Variants in DMD observed in about 807,000 individuals in gnomAD.
DMD encodes the protein mutant dystrophin.
A neutral mutation model predicts 330.1 loss-of-function variants in DMD; 63 were observed. The ratio of observed to expected loss-of-function variants is 0.19; its 90% CI spans 0.16 to 0.24. The LOEUF (loss-of-function observed/expected upper bound fraction) is 0.24. Among genes scored for constraint, DMD ranks in the 10% least tolerant of loss-of-function variants. DMD has a pLI of 1.00. For synonymous variants in DMD, 1,223 were observed against 959.8 expected, an observed-to-expected ratio of 1.27 and a Z score of -5.07; for missense variants, 3,344 against 2,684.1, an observed-to-expected ratio of 1.25 and a Z score of -5.43.
At chrX:32,631,640 CAA>C (rs2146614365) in intron 11 of DMD, among the ~76,000 whole-genome samples, 1 of 111,509 alleles carries the variant, frequency 9.0e-6, no homozygotes, top group South Asian at 3.8e-4. Context: ...ACAATCATGG[CAA>C]ATTGCGAAGG....
At chrX:33,069,117 G>A (rs148091607) in intron 1 of DMD, among the ~76,000 whole-genome samples, 1 of 111,701 alleles carries the variant, frequency 9.0e-6, no homozygotes. Flanking sequence ...TAATAAAAAC[G>A]TTGGTGCTAA....
chrX:31,122,879 C>CTTACT (rs1569289787), intron 78 of DMD, among the ~76,000 whole-genome samples: 1 of 111,777 alleles, frequency 8.9e-6, no homozygotes, highest in African/African-American at 3.2e-5. Flanking sequence ...TAATCTGAGA[C>CTTACT]TTACTTTATG....
At chrX:33,213,436 G>T (rs150494081), upstream of DMD, among the ~76,000 whole-genome samples, 3,625 of 111,252 alleles carry the variant, frequency 0.033, 60 homozygotes, top group Non-Finnish European at 0.05. Flanking sequence ...AAAGTGAAAG[G>T]CACGTAAAAT....
intron 44 of DMD, among the ~76,000 whole-genome samples, chrX:32,108,811 T>C (rs1299610752): frequency 1.8e-5 from 2 of 111,728 alleles, no homozygotes; most frequent in African/African-American, 6.5e-5. Context: ...GTGAGGTTTT[T>C]TATTAGTTAA....
At chrX:32,015,250 G>A (rs1237255759) in intron 44 of DMD, among the ~76,000 whole-genome samples, 1 of 111,711 alleles carries the variant, frequency 9.0e-6, no homozygotes, top group African/African-American at 3.3e-5. Context: ...ATTTTGACAT[G>A]AATAAGAATC....
intron 51 of DMD, among the ~76,000 whole-genome samples, chrX:31,749,417 G>C (rs1467852612): frequency 5.8e-5 from 6 of 102,712 alleles, no homozygotes; most frequent in African/African-American, 1.8e-4. Context: ...TCTTGCAATA[G>C]TTTACTGAGA....
chrX:32,916,091 G>A (rs2087777931), intron 2 of DMD, among the ~76,000 whole-genome samples: 1 of 110,976 alleles, frequency 9.0e-6, no homozygotes, highest in Admixed American at 9.6e-5. Flanking sequence ...GGTATATTTT[G>A]CCTATTTTAG....
intron 55 of DMD, among the ~76,000 whole-genome samples, chrX:31,585,714 G>C (rs1330424580): frequency 1.8e-5 from 2 of 110,768 alleles, no homozygotes; most frequent in African/African-American, 3.3e-5. Flanking sequence ...GGCCTAAATT[G>C]TTTTTGCTTT....
At chrX:31,590,094 A>G (rs1460907718) in intron 55 of DMD, among the ~76,000 whole-genome samples, 2 of 111,244 alleles carry the variant, frequency 1.8e-5, no homozygotes, top group African/African-American at 6.5e-5. Flanking sequence ...AGCCTAGGAA[A>G]TTAATTATAA....
At chrX:31,556,727 T>C (rs1341918036) in intron 55 of DMD, among the ~76,000 whole-genome samples, 3 of 112,015 alleles carry the variant, frequency 2.7e-5, no homozygotes, top group Non-Finnish European at 5.6e-5. Flanking sequence ...AATCATTTGA[T>C]GACATTTAAA....
chrX:32,863,537 T>TATACACACACACACACACACACACAC (rs766140903), intron 2 of DMD, among the ~76,000 whole-genome samples: 1 of 78,240 alleles, frequency 1.3e-5, no homozygotes, highest in African/African-American at 6.3e-5. Context: ...ATTGTGTTTA[T>TATACACACACACACACACACACACAC]ACACACACAC....
chrX:31,785,357 C>G (rs2091241515), intron 50 of DMD, among the ~76,000 whole-genome samples: 1 of 111,941 alleles, frequency 8.9e-6, no homozygotes, highest in African/African-American at 3.2e-5. Flanking sequence ...TTCTAGAGAT[C>G]TGTTGAATAA....
intron 62 of DMD, among the ~76,000 whole-genome samples, chrX:31,269,562 T>G (rs951364456): frequency 8.9e-6 from 1 of 112,004 alleles, no homozygotes; most frequent in Non-Finnish European, 1.9e-5. Context: ...TATGCTGCCA[T>G]GAAGAGACAT....
At chrX:31,714,621 G>T (rs777756049) in intron 52 of DMD, among the ~76,000 whole-genome samples, 2 of 111,206 alleles carry the variant, frequency 1.8e-5, no homozygotes, top group African/African-American at 6.5e-5. Flanking sequence ...TTGGAAATCT[G>T]ACTCCTATAC....
At chrX:31,323,429 T>C (rs1333004364) in intron 62 of DMD, among the ~76,000 whole-genome samples, 169 bp downstream of exon 62, 1 of 112,141 alleles carries the variant, frequency 8.9e-6, no homozygotes, top group Non-Finnish European at 1.9e-5. Flanking sequence ...CATCAGCAAA[T>C]TTACAATGGT....
At chrX:32,767,602 T>G (rs974215963) in intron 7 of DMD, among the ~76,000 whole-genome samples, 9 of 111,571 alleles carry the variant, frequency 8.1e-5, no homozygotes, top group Non-Finnish European at 1.3e-4. Flanking sequence ...ATGAGGTGGG[T>G]TTTTTTCCAC....
intron 43 of DMD, among the ~76,000 whole-genome samples, chrX:32,221,373 C>T (rs1450624114): frequency 9.1e-6 from 1 of 110,138 alleles, no homozygotes. Flanking sequence ...AGTTATCTGC[C>T]CCAAATCATA....
intron 60 of DMD, among the ~76,000 whole-genome samples, chrX:31,358,799 T>C (rs5927011): frequency 0.31 from 34,360 of 111,576 alleles, 3,899 homozygotes; most frequent in East Asian, 0.57. Flanking sequence ...TTTCTGCATT[T>C]TACCTGAAAT....
In DMD at chrX:33,094,211, C is replaced by T. The variant is rs547578505; in HGVS notation, c.32-74011G>A. 4.0e-3 allele frequency among the ~76,000 whole-genome samples: 448 copies of T among 111,440 alleles called. 1 individual carries two copies. The highest frequency in any genetic ancestry group is 9.3e-3 in the Middle Eastern group (2 of 216). Reference sequence around the variant, plus strand: ...TGTAGAAAGCAGTTATCATTCTATTCATTTCTTCATTCATTCAACAACACT... The same window carrying T: ...TGTAGAAAGCAGTTATCATTCTATTTATTTCTTCATTCATTCAACAACACT... On this transcript the variant is annotated intron_variant, in intron 1 of 78. Coordinates refer to ENST00000357033, the MANE Select transcript of DMD (RefSeq NM_004006.3).
Sources: allele counts gnomAD v4.1 joint callset (sites outside exome capture counted in the v4.1 genomes callset), GRCh38; gene constraint gnomAD v4.1.1; transcripts MANE v1.5; gene names NCBI Gene and HGNC (gene_info 2026-07-23, HGNC 2026-07-21).